PATJ: variants seen among roughly 807,000 people sequenced by gnomAD.
PATJ encodes inaD-like protein.
PATJ carries 190 observed loss-of-function variants against 224.9 expected under a neutral mutation model. That is an observed-to-expected ratio of 0.84 (90% CI 0.75 to 0.95). The LOEUF is 0.95. PATJ is among the 40% of genes least tolerant of loss of function. The probability of loss-of-function intolerance (pLI) is 0.00; values close to 1 mark genes in which losing one functional copy is unlikely to be tolerated. For synonymous variants in PATJ, 769 were observed against 820.3 expected, an observed-to-expected ratio of 0.94 and a Z score of 1.07; for missense variants, 2,121 against 2,270.3, an observed-to-expected ratio of 0.93 and a Z score of 1.34.
intron 7 of PATJ, among the ~76,000 whole-genome samples, chr1:61,784,772 T>G (rs1270462065): frequency 1.3e-5 from 2 of 152,230 alleles, no homozygotes; most frequent in East Asian, 3.8e-4. Flanking sequence ...AAGTAGTTGC[T>G]TATGTTGTTT....
chr1:61,853,702 A>T (rs1372081533), intron 17 of PATJ, among the ~76,000 whole-genome samples: 3 of 152,220 alleles, frequency 2.0e-5, no homozygotes, highest in Non-Finnish European at 4.4e-5. Flanking sequence ...CAGCTCTTTT[A>T]TATTACCACG....
intron 27 of PATJ, among the ~76,000 whole-genome samples, chr1:61,978,391 G>T (rs1001912526): frequency 6.6e-6 from 1 of 151,732 alleles, no homozygotes; most frequent in Non-Finnish European, 1.5e-5. Flanking sequence ...TCAGCCTTCC[G>T]AGTAGCTGGG....
At chr1:62,003,768 C>A (rs1285763167) in intron 28 of PATJ, among the ~76,000 whole-genome samples, 1 of 152,188 alleles carries the variant, frequency 6.6e-6, no homozygotes, top group African/African-American at 2.4e-5. Context: ...CTCCTTTCCT[C>A]CCTTTGGTTC....
At chr1:62,125,425 A>G (rs555059357) in intron 39 of PATJ, among the ~76,000 whole-genome samples, 7 of 152,244 alleles carry the variant, frequency 4.6e-5, no homozygotes, top group Non-Finnish European at 7.4e-5. Context: ...CACCTAGTGC[A>G]TCAGGAATGC....
chr1:61,863,154 T>C (rs1290334653), intron 19 of PATJ, among the ~76,000 whole-genome samples: 1 of 150,954 alleles, frequency 6.6e-6, no homozygotes, highest in African/African-American at 2.4e-5. Context: ...TTTGCCTCAG[T>C]CTCCCAAGTA....
chr1:61,788,096 G>GAA (rs35694329), intron 8 of PATJ, 124 bp downstream of exon 8: 31,482 of 405,210 alleles, frequency 0.078, 2 homozygotes, highest in South Asian at 0.13. Context: ...AGTGAAACAG[G>GAA]AAAAAAAAAA....
Position 61,791,392 on chromosome 1 carries a change from A to G in PATJ, c.1113A>G (p.Lys371=), listed in dbSNP as rs764824955. Residue 371 remains lysine (K), a synonymous_variant, in exon 9 of 44, where the codon AAA becomes AAG. Transcript: ENST00000642238. ...CTTATAATGTTGAGCTTGTGAGAAA[A>G]GATGGGCAGAGTCTTGGAATTAGAA... ...FETYNVELVR[K]DGQSLGIRIV... 1 of 1,612,414 alleles carries G rather than the reference A, an allele frequency of 6.2e-7. No homozygotes were observed. Among genetic ancestry groups the G allele is most frequent in the Admixed American group, 1.7e-5 (1 of 59,998 alleles).
At chr1:61,931,611 A>T (rs1215129943) in intron 27 of PATJ, among the ~76,000 whole-genome samples, 2 of 152,204 alleles carry the variant, frequency 1.3e-5, no homozygotes, top group Non-Finnish European at 2.9e-5. Flanking sequence ...AAAATTACAA[A>T]AAATTAACTG....
At position 61,908,241 on chromosome 1, in the gene PATJ, A is replaced by T. The variant is rs1243796576; in HGVS notation, c.3382-131A>T. On this transcript the variant is annotated intron_variant, in intron 24 of 43. Transcript: ENST00000642238. The stretch of plus-strand genomic sequence containing the variant: ...GCCAAGCTTTTTATGGGCCAATCTT[A>T]TTTTTTTCTGACCGTCTACTCATTA... The T allele has an allele frequency of 6.6e-6, 4 of 607,002 alleles. No individual in the cohort carries two copies. The African/African-American group carries it at 7.8e-5, about 12-fold the overall frequency. 37.6% of individuals were successfully genotyped at this position (607,002 alleles called of 1,614,324 possible). A position where few individuals can be genotyped will look rare whatever the true frequency, so the allele number is the denominator to read the frequency against.
At chr1:62,106,674 C>T (rs1663091146) in intron 33 of PATJ, among the ~76,000 whole-genome samples, 1 of 152,070 alleles carries the variant, frequency 6.6e-6, no homozygotes, top group Admixed American at 6.5e-5. Context: ...TCGTTAACTC[C>T]AAAGGGTACC....
intron 15 of PATJ, among the ~76,000 whole-genome samples, chr1:61,825,620 C>T (rs1178262009): frequency 6.6e-6 from 1 of 152,044 alleles, no homozygotes; most frequent in Non-Finnish European, 1.5e-5. Context: ...TTTACAGCAG[C>T]TATAAATCCC....
rs1342908672 is a variant in PATJ at position 62,063,776 on chromosome 1, A to G, written c.4125+12718A>G. Among the ~76,000 whole-genome samples, 3 of 152,050 alleles carry G rather than the reference A, an allele frequency of 2.0e-5. No homozygotes were observed. In the East Asian group the frequency reaches 5.8e-4, roughly 29 times the overall value. On this transcript the variant is annotated intron_variant, in intron 31 of 43. Coordinates refer to ENST00000642238, the MANE Select transcript of PATJ (RefSeq NM_001350145.3). Reference sequence around the variant, plus strand: ...TTTTTGTGTGGCTATTGTAAATGGGATTGCATTCCTGATTTGGCTCTCAGC... The same window carrying G: ...TTTTTGTGTGGCTATTGTAAATGGGGTTGCATTCCTGATTTGGCTCTCAGC...
At chr1:62,150,314 A>C (rs1489828140) in intron 42 of PATJ, among the ~76,000 whole-genome samples, 2 of 152,194 alleles carry the variant, frequency 1.3e-5, no homozygotes, top group African/African-American at 4.8e-5. Context: ...TTAGAAATGT[A>C]AGTAAAGATA....
chr1:61,927,610 T>C lies in PATJ; in HGVS notation c.3571-120T>C, dbSNP rs1168996741. The C allele has an allele frequency of 3.2e-5, 20 of 622,604 alleles. No homozygotes were observed. In the East Asian group the frequency reaches 4.4e-4, roughly 14 times the overall value. The allele number at this position is 622,604 out of a possible 1,614,324, so 38.6% of individuals were successfully genotyped here. On this transcript the variant is annotated intron_variant, in intron 26 of 43. Coordinates refer to ENST00000642238, the MANE Select transcript of PATJ (RefSeq NM_001350145.3). ...TGTGTTTGTTTTACAGTCCTCATGATATGAATGAAGTTGGGTATGGTCTAA... is the reference window on the plus strand; with the variant it reads ...TGTGTTTGTTTTACAGTCCTCATGACATGAATGAAGTTGGGTATGGTCTAA...
At chr1:62,136,904 G>A (rs1666964090) in intron 41 of PATJ, among the ~76,000 whole-genome samples, 1 of 152,104 alleles carries the variant, frequency 6.6e-6, no homozygotes. Flanking sequence ...TGAAAGGCTT[G>A]GGTCCTAATA....
chr1:61,869,625 A>G (rs1396747285), intron 20 of PATJ, among the ~76,000 whole-genome samples: 1 of 152,170 alleles, frequency 6.6e-6, no homozygotes, highest in African/African-American at 2.4e-5. Context: ...TAATCTTCAT[A>G]CTGAAGCCAG....
intron 21 of PATJ, among the ~76,000 whole-genome samples, chr1:61,876,717 T>C (rs1667379526): frequency 6.6e-6 from 1 of 152,070 alleles, no homozygotes; most frequent in Non-Finnish European, 1.5e-5. Flanking sequence ...TCAAAAGAAA[T>C]AGACTAGCTA....
chr1:61,883,898 T>C (rs1456139274), intron 21 of PATJ, among the ~76,000 whole-genome samples: 1 of 150,326 alleles, frequency 6.7e-6, no homozygotes, highest in Non-Finnish European at 1.5e-5. Flanking sequence ...AATGTCAGAG[T>C]ACTTATTAGG....
intron 14 of PATJ, among the ~76,000 whole-genome samples, chr1:61,811,788 G>T (rs768068646): frequency 6.6e-5 from 10 of 150,496 alleles, no homozygotes; most frequent in South Asian, 4.3e-4. Flanking sequence ...TAGGCTGGAC[G>T]CGGTGGCTCA....
Sources: gnomAD v4.1 joint callset for allele counts (sites outside exome capture counted in the v4.1 genomes callset) on GRCh38, gnomAD v4.1.1 for gene constraint, MANE v1.5 for transcripts, NCBI Gene and HGNC (gene_info 2026-07-23, HGNC 2026-07-21) for gene names.